Variants in PLEKHH2 observed in about 807,000 individuals in gnomAD.
The protein encoded by PLEKHH2 is pleckstrin homology, MyTH4 and FERM domain containing H2.
A neutral mutation model predicts 187.9 loss-of-function variants in PLEKHH2; 129 were observed. That is an observed-to-expected ratio of 0.69 (90% CI 0.59 to 0.79). The LOEUF (loss-of-function observed/expected upper bound fraction) is 0.79, where lower values mean the gene tolerates loss of function less well. Ranked by LOEUF, PLEKHH2 falls within the 30% of genes least tolerant of loss-of-function variation. PLEKHH2 has a pLI of 0.00. For missense variants in PLEKHH2, 2,076 were observed against 1,751.2 expected, an observed-to-expected ratio of 1.19 and a Z score of -3.31; for synonymous variants, 686 against 605.6, an observed-to-expected ratio of 1.13 and a Z score of -1.95.
At chr2:43,729,099 G>A (rs1670914894) in intron 17 of PLEKHH2, among the ~76,000 whole-genome samples, 1 of 151,896 alleles carries the variant, frequency 6.6e-6, no homozygotes, top group Non-Finnish European at 1.5e-5. Flanking sequence ...TAGCAACAAG[G>A]GAGTGCTTGT....
rs1340360113 is a variant in PLEKHH2 at position 43,710,328 on chromosome 2, C to T, written c.2212C>T (p.Pro738Ser). The T allele has an allele frequency of 6.2e-7, 1 of 1,612,686 alleles. No individual in the cohort carries two copies. Among genetic ancestry groups the T allele is most frequent in the East Asian group, 2.2e-5 (1 of 44,856 alleles). ...KGGELLYYKS[P>S]SDVIRKPQGH... Reference sequence around the variant, plus strand: ...TGGTGAATTACTTTACTACAAATCTCCGGTGAGTGGAAAGTGTTTTCTGTT... The same window carrying T: ...TGGTGAATTACTTTACTACAAATCTTCGGTGAGTGGAAAGTGTTTTCTGTT... The change falls in exon 13 of 30, where the codon CCG becomes TCG. Residue 738 changes from proline (P) to serine (S), a missense_variant and splice_region_variant. Physicochemically the swap from Pro to Ser is moderately conservative, Grantham distance 74. Coordinates refer to ENST00000282406, the MANE Select transcript of PLEKHH2 (RefSeq NM_172069.4).
intron 2 of PLEKHH2, among the ~76,000 whole-genome samples, chr2:43,645,392 A>G (rs1257442251): frequency 6.6e-6 from 1 of 152,158 alleles, no homozygotes; most frequent in Non-Finnish European, 1.5e-5. Context: ...AGGGCTAATT[A>G]TGTGTTAGAC....
At chr2:43,698,247 C>CTT (rs1270391528) in intron 7 of PLEKHH2, among the ~76,000 whole-genome samples, 3 of 110,228 alleles carry the variant, frequency 2.7e-5, no homozygotes, top group African/African-American at 1.5e-4. Context: ...TCTCTTCTCT[C>CTT]TCTCTTTTTT....
chr2:43,725,572 G>C (rs1670699362), intron 16 of PLEKHH2, among the ~76,000 whole-genome samples: 2 of 152,196 alleles, frequency 1.3e-5, no homozygotes, highest in Non-Finnish European at 1.5e-5. Context: ...AAAAAGGAAA[G>C]TTTTCTGCTG....
Position 43,757,276 on chromosome 2 carries a change from T to G in PLEKHH2, c.3941+12T>G. The G allele has an allele frequency of 6.5e-7, 1 of 1,536,248 alleles. No individual in the cohort carries two copies. The highest frequency in any genetic ancestry group is 8.7e-7 in the Non-Finnish European group (1 of 1,147,700). ...GAAGAGCAGTTAAGGTAAGGAAATC[T>G]TTGTAACTCTTTATAGGGTAGGGTC... On this transcript the variant is annotated intron_variant, in intron 26 of 29. Transcript: ENST00000282406.
chr2:43,764,647 C>T (rs1672556041), intron 29 of PLEKHH2, among the ~76,000 whole-genome samples: 1 of 152,126 alleles, frequency 6.6e-6, no homozygotes, highest in Non-Finnish European at 1.5e-5. Context: ...GGTACTTAGC[C>T]CAATGCCAGG....
intron 2 of PLEKHH2, among the ~76,000 whole-genome samples, chr2:43,660,352 G>A (rs538828495): frequency 6.6e-6 from 1 of 151,966 alleles, no homozygotes; most frequent in Non-Finnish European, 1.5e-5. Flanking sequence ...TTCACATACA[G>A]GTGTTTGGAT....
chr2:43,678,695 C>G (rs561690869), intron 2 of PLEKHH2, among the ~76,000 whole-genome samples, 168 bp from the exon 3 acceptor site: 1 of 150,610 alleles, frequency 6.6e-6, no homozygotes, highest in African/African-American at 2.4e-5. Context: ...CAGAGGGAGA[C>G]CATGGAAAGA....
rs188118488 is a variant in PLEKHH2 at position 43,644,785 on chromosome 2, T to C, written c.112T>C (p.Leu38=). Residue 38 remains leucine, a synonymous_variant, in exon 2 of 30, where the codon TTA becomes CTA. Coordinates refer to ENST00000282406, the MANE Select transcript of PLEKHH2 (RefSeq NM_172069.4). ...RVQASKIREL[L]AEKMQQLERQ... is the part of the protein sequence containing the mutation. ...TCAAGCAAGCAAGATACGAGAGCTT[T>C]TAGCAGAGAAGGTAAGCTTTCTCCC... 1.6e-5 allele frequency: 26 copies of C among 1,606,578 alleles called. 1 individual carries two copies. In the Admixed American group the frequency reaches 4.0e-4, roughly 25 times the overall value.
intron 15 of PLEKHH2, among the ~76,000 whole-genome samples, chr2:43,715,590 A>C (rs996997257): frequency 1.3e-5 from 2 of 152,198 alleles, no homozygotes; most frequent in African/African-American, 4.8e-5. Context: ...GTTACAGGAA[A>C]AGAGAGGAGA....
intron 9 of PLEKHH2, among the ~76,000 whole-genome samples, chr2:43,704,662 TAAAAAAAAAAAAAAA>T (rs70965318): frequency 1.2e-5 from 1 of 84,292 alleles, no homozygotes; most frequent in Admixed American, 1.5e-4. Context: ...GATTCTGTCT[TAAAAAAAAAAAAAAA>T]AAAAAAAAAG....
At chr2:43,685,090 C>T (rs1354639827) in intron 3 of PLEKHH2, among the ~76,000 whole-genome samples, 4 of 152,160 alleles carry the variant, frequency 2.6e-5, no homozygotes, top group Non-Finnish European at 5.9e-5. Context: ...TAACTGAATC[C>T]TTCGCCATCT....
At position 43,706,434 on chromosome 2, in the gene PLEKHH2, T is replaced by C; in HGVS notation, c.1821+18T>C. ...TGAAGGGGGTAACTCATTATTGTTA[T>C]TGTTAAAACATGTGCTTCTCTTCAT... On this transcript the variant is annotated intron_variant, in intron 10 of 29. Transcript: ENST00000282406. 6.7e-7 allele frequency: 1 copy of C among 1,489,000 alleles called. No homozygotes were observed. The highest frequency in any genetic ancestry group is 1.8e-5 in the Admixed American group (1 of 55,748). The allele number at this position is 1,489,000 out of a possible 1,614,324, so 92.2% of individuals were successfully genotyped here.
chr2:43,701,741 A>G (rs938066289), intron 8 of PLEKHH2, among the ~76,000 whole-genome samples: 2 of 151,546 alleles, frequency 1.3e-5, no homozygotes, highest in African/African-American at 4.8e-5. Context: ...TATTTGAAAT[A>G]AAATGAAATG....
intron 2 of PLEKHH2, chr2:43,676,117 C>A: frequency 6.2e-7 from 1 of 1,613,874 alleles, no homozygotes; most frequent in Non-Finnish European, 8.5e-7. Flanking sequence ...ACAGAAAACA[C>A]GAATACTTTT....
intron 15 of PLEKHH2, among the ~76,000 whole-genome samples, chr2:43,713,942 A>G (rs1290801780): frequency 3.9e-5 from 6 of 152,188 alleles, no homozygotes; most frequent in Non-Finnish European, 7.3e-5. Flanking sequence ...TTAATTCACT[A>G]TTGCATTAAA....
At chr2:43,676,460 G>C (rs1667797516) in intron 2 of PLEKHH2, 1 of 654,074 alleles carries the variant, frequency 1.5e-6, no homozygotes, top group African/African-American at 1.9e-5. Flanking sequence ...CGGTGGCGTA[G>C]AGAAGGGGGC....
chr2:43,764,054 T>C lies in PLEKHH2; in HGVS notation c.4159-174T>C, dbSNP rs147756475. 2.9e-3 allele frequency among the ~76,000 whole-genome samples: 441 copies of C among 152,330 alleles called. 2 individuals carry two copies. The highest frequency in any genetic ancestry group is 3.9e-3 in the Non-Finnish European group (263 of 68,028). On this transcript the variant is annotated intron_variant, in intron 28 of 29. Transcript: ENST00000282406. ...AAGGTAGATGATGCCTAAATAAAAT[T>C]AGTACCACTACTATCTATTTTGGAT... is the stretch of plus-strand genomic sequence containing the variant.
chr2:43,735,869 A>G (rs1489953666), intron 19 of PLEKHH2, among the ~76,000 whole-genome samples: 1 of 152,196 alleles, frequency 6.6e-6, no homozygotes, highest in Non-Finnish European at 1.5e-5. Context: ...CATTTGACAA[A>G]TTTAACATTT....
Sources: allele counts gnomAD v4.1 joint callset (sites outside exome capture counted in the v4.1 genomes callset), GRCh38; gene constraint gnomAD v4.1.1; transcripts MANE v1.5; gene names NCBI Gene and HGNC (gene_info 2026-07-23, HGNC 2026-07-21).